Variants in DCLK1 observed in about 807,000 individuals in gnomAD.
DCLK1 encodes the protein doublecortin like kinase 1.
DCLK1 carries 16 observed loss-of-function variants against 86.2 expected under a neutral mutation model. The ratio of observed to expected loss-of-function variants is 0.19; its 90% confidence interval spans 0.13 to 0.28. The LOEUF is 0.28. DCLK1 is among the 10% of genes least tolerant of loss of function. The pLI is 1.00. For missense variants in DCLK1, 590 were observed against 940.2 expected (o/e 0.63, Z 4.87); for synonymous variants, 369 against 370.5 (o/e 1.00, Z 0.05).
At chr13:35,967,536 G>A (rs879132964) in intron 3 of DCLK1, among the ~76,000 whole-genome samples, 9 of 152,144 alleles carry the variant, frequency 5.9e-5, no homozygotes, top group South Asian at 2.1e-4. Context: ...CCTCAACCCC[G>A]TGCTCTCTGA....
At chr13:36,027,910 T>C (rs1882109890) in intron 3 of DCLK1, among the ~76,000 whole-genome samples, 1 of 152,094 alleles carries the variant, frequency 6.6e-6, no homozygotes, top group Non-Finnish European at 1.5e-5. Context: ...TTTTGTACTT[T>C]TTGCACAGAC....
At chr13:35,925,208 G>C (rs1383847799) in intron 4 of DCLK1, among the ~76,000 whole-genome samples, 1 of 152,188 alleles carries the variant, frequency 6.6e-6, no homozygotes, top group Non-Finnish European at 1.5e-5. Context: ...TTGGGCAGAG[G>C]AGCGGCCAAA....
At chr13:35,863,500 G>A (rs1871548908) in intron 5 of DCLK1, among the ~76,000 whole-genome samples, 1 of 152,202 alleles carries the variant, frequency 6.6e-6, no homozygotes, top group Non-Finnish European at 1.5e-5. Context: ...TTCTGCTGGG[G>A]TGAACACTAG....
intron 2 of DCLK1, among the ~76,000 whole-genome samples, chr13:36,113,850 A>T (rs1037285524): frequency 2.0e-4 from 31 of 152,308 alleles, no homozygotes; most frequent in African/African-American, 7.5e-4. Context: ...GAAAAATTCA[A>T]AAACAAAATT....
At chr13:36,108,557 T>C (rs1218384436) in intron 3 of DCLK1, among the ~76,000 whole-genome samples, 4 of 152,204 alleles carry the variant, frequency 2.6e-5, no homozygotes, top group Non-Finnish European at 5.9e-5. Context: ...AACAGCAGGC[T>C]CCGGCTTTCA....
At chr13:36,035,176 CTCCCTT>C (rs1419279423) in intron 3 of DCLK1, among the ~76,000 whole-genome samples, 4 of 152,146 alleles carry the variant, frequency 2.6e-5, no homozygotes, top group African/African-American at 9.7e-5. Context: ...AGCTAATTCT[CTCCCTT>C]TCACTTGCTC....
At chr13:35,941,171 G>C (rs961170967) in intron 4 of DCLK1, among the ~76,000 whole-genome samples, 14 of 152,060 alleles carry the variant, frequency 9.2e-5, no homozygotes, top group Non-Finnish European at 1.0e-4. Flanking sequence ...CATTAGGTTG[G>C]TGCAAAAGTA....
At chr13:35,853,734 C>T (rs9601483) in intron 6 of DCLK1, among the ~76,000 whole-genome samples, 1 of 152,130 alleles carries the variant, frequency 6.6e-6, no homozygotes, top group African/African-American at 2.4e-5. Flanking sequence ...ACATTCCCCC[C>T]ACCTTGCGTC....
At chr13:35,877,429 A>G (rs1417728066) in intron 4 of DCLK1, among the ~76,000 whole-genome samples, 1 of 152,246 alleles carries the variant, frequency 6.6e-6, no homozygotes, top group East Asian at 1.9e-4. Flanking sequence ...CTGAGCTCAC[A>G]TAGTGATCAT....
chr13:35,879,610 T>C (rs572265155), intron 4 of DCLK1, among the ~76,000 whole-genome samples: 48 of 152,338 alleles, frequency 3.2e-4, no homozygotes, highest in African/African-American at 9.4e-4. Flanking sequence ...GTTCCTACTA[T>C]CTTATCTCTG....
chr13:36,115,764 C>T (rs2138197793), intron 2 of DCLK1, among the ~76,000 whole-genome samples: 1 of 151,096 alleles, frequency 6.6e-6, no homozygotes, highest in East Asian at 1.9e-4. Context: ...AGGAAATAAG[C>T]ATGAAATTAT....
chr13:35,996,128 C>A (rs562407386), intron 3 of DCLK1, among the ~76,000 whole-genome samples: 1 of 152,246 alleles, frequency 6.6e-6, no homozygotes, highest in African/African-American at 2.4e-5. Flanking sequence ...GGGGCTTCAC[C>A]ATGTTGGTCA....
intron 5 of DCLK1, among the ~76,000 whole-genome samples, chr13:35,865,596 C>CT (rs2153113348): frequency 6.6e-6 from 1 of 152,270 alleles, no homozygotes; most frequent in South Asian, 2.1e-4. Flanking sequence ...TCTGTGAGGC[C>CT]TTGACTCCTA....
intron 4 of DCLK1, among the ~76,000 whole-genome samples, chr13:35,900,879 G>A (rs910790243): frequency 2.0e-5 from 3 of 152,156 alleles, no homozygotes; most frequent in African/African-American, 4.8e-5. Flanking sequence ...CATAACTGAA[G>A]GGCACTTGCA....
intron 10 of DCLK1, among the ~76,000 whole-genome samples, chr13:35,826,814 T>C (rs1297482900): frequency 2.6e-5 from 4 of 152,028 alleles, no homozygotes; most frequent in East Asian, 3.9e-4. Flanking sequence ...CCTGGGAGCC[T>C]GAGGCGCCCC....
chr13:35,846,802 T>C, intron 6 of DCLK1: 1 of 985,218 alleles, frequency 1.0e-6, no homozygotes, highest in Non-Finnish European at 1.2e-6. Context: ...AGTAAATTCA[T>C]TCGATTAACA....
intron 3 of DCLK1, among the ~76,000 whole-genome samples, chr13:35,950,850 G>A (rs1013519453): frequency 1.3e-5 from 2 of 151,960 alleles, no homozygotes; most frequent in African/African-American, 4.8e-5. Context: ...GTTTCACTAC[G>A]GTCAGAGATT....
intron 16 of DCLK1, among the ~76,000 whole-genome samples, chr13:35,786,277 A>T (rs34182847): frequency 6.6e-6 from 1 of 152,282 alleles, no homozygotes; most frequent in East Asian, 1.9e-4. Flanking sequence ...ATGACTTTAT[A>T]TGTGTAATTT....
At chr13:36,018,384 T>G (rs1881624206) in intron 3 of DCLK1, among the ~76,000 whole-genome samples, 1 of 152,228 alleles carries the variant, frequency 6.6e-6, no homozygotes, top group African/African-American at 2.4e-5. Context: ...AATTTTCTTG[T>G]GCAGTTTATA....
Sources: allele counts gnomAD v4.1 joint callset (sites outside exome capture counted in the v4.1 genomes callset), GRCh38; gene constraint gnomAD v4.1.1; transcripts MANE v1.5; gene names NCBI Gene and HGNC (gene_info 2026-07-23, HGNC 2026-07-21).